Variants in CTNND2 observed in about 807,000 individuals in gnomAD.
CTNND2 encodes catenin delta-2.
A neutral mutation model predicts 144.4 loss-of-function variants in CTNND2; 22 were observed. The observed-to-expected ratio is 0.15, with a 90% confidence interval of 0.11 to 0.22. The LOEUF (loss-of-function observed/expected upper bound fraction) is 0.22. CTNND2 is among the 10% of genes least tolerant of loss of function. The probability of loss-of-function intolerance (pLI) is 1.00; values close to 1 mark genes in which losing one functional copy is unlikely to be tolerated. For synonymous variants in CTNND2, 751 were observed against 695.6 expected, an observed-to-expected ratio of 1.08 and a Z score of -1.25; for missense variants, 1,353 against 1,618.8, an observed-to-expected ratio of 0.84 and a Z score of 2.82.
intron 5 of CTNND2, among the ~76,000 whole-genome samples, chr5:11,408,009 G>A (rs1357252279): frequency 6.6e-6 from 1 of 152,012 alleles, no homozygotes; most frequent in African/African-American, 2.4e-5. Context: ...GAAGGAGATT[G>A]GGGGAGGGAG....
In CTNND2 at chr5:11,250,491, C is replaced by CTCTCTCTCTATATA. The variant is rs869141186; in HGVS notation, c.1629-13669_1629-13668insTATATAGAGAGAGA. Among the ~76,000 whole-genome samples the CTCTCTCTCTATATA allele has an allele frequency of 2.0e-3, 127 of 64,094 alleles. 2 individuals carry two copies. Among genetic ancestry groups the CTCTCTCTCTATATA allele is most frequent in the Middle Eastern group, 0.012 (1 of 86 alleles). 42.0% of individuals were successfully genotyped at this position (64,094 alleles called of 152,430 possible). A position where few individuals can be genotyped will look rare whatever the true frequency, so the allele number is the denominator to read the frequency against. ...TCTCTCTCTCTCTCTCTCTCTCTCT[C>CTCTCTCTCTATATA]TATATATATATATATATATATACAT... is the stretch of plus-strand genomic sequence containing the variant. On this transcript the variant is annotated intron_variant, in intron 9 of 21. Transcript: ENST00000304623.
chr5:11,526,261 G>C (rs1474384106), intron 3 of CTNND2, among the ~76,000 whole-genome samples: 1 of 152,098 alleles, frequency 6.6e-6, no homozygotes, highest in Non-Finnish European at 1.5e-5. Context: ...TTCATTTCTT[G>C]TTGAATATTA....
chr5:11,353,455 T>G (rs180886693), intron 8 of CTNND2, among the ~76,000 whole-genome samples: 2 of 152,224 alleles, frequency 1.3e-5, no homozygotes, highest in African/African-American at 4.8e-5. Context: ...TAAAATTTAA[T>G]GTGATATAGA....
chr5:11,699,632 G>C (rs1014995282), intron 2 of CTNND2, among the ~76,000 whole-genome samples: 1 of 152,082 alleles, frequency 6.6e-6, no homozygotes. Flanking sequence ...AATATTTAAA[G>C]GACAAGAACA....
chr5:11,284,164 G>A (rs1747479266), intron 9 of CTNND2, among the ~76,000 whole-genome samples: 1 of 152,216 alleles, frequency 6.6e-6, no homozygotes, highest in Non-Finnish European at 1.5e-5. Flanking sequence ...GCCACATGGA[G>A]AGCGTGAGGC....
At chr5:11,703,279 C>G (rs139469597) in intron 2 of CTNND2, among the ~76,000 whole-genome samples, 4 of 152,178 alleles carry the variant, frequency 2.6e-5, no homozygotes, top group Non-Finnish European at 5.9e-5. Flanking sequence ...ATCCAGTTTA[C>G]AGATATATGT....
At chr5:11,899,503 A>C (rs1737687757) in intron 1 of CTNND2, among the ~76,000 whole-genome samples, 1 of 152,224 alleles carries the variant, frequency 6.6e-6, no homozygotes, top group Non-Finnish European at 1.5e-5. Flanking sequence ...AGTTTAGCAT[A>C]TTTTATAAGC....
chr5:11,791,698 G>A (rs181704901), intron 1 of CTNND2, among the ~76,000 whole-genome samples: 12 of 152,260 alleles, frequency 7.9e-5, no homozygotes, highest in South Asian at 2.1e-4. Context: ...AGTGGTTCAC[G>A]AAAACGAATC....
At chr5:11,198,031 C>T (rs1737051991) in intron 11 of CTNND2, among the ~76,000 whole-genome samples, 1 of 152,148 alleles carries the variant, frequency 6.6e-6, no homozygotes, top group East Asian at 1.9e-4. Context: ...TGCACGGAAG[C>T]CTCCTGTCCC....
chr5:11,199,477 G>T lies in CTNND2; in HGVS notation c.1946C>A (p.Thr649Asn). The T allele has an allele frequency of 2.5e-6, 4 of 1,614,214 alleles. No individual in the cohort carries two copies. Among genetic ancestry groups the T allele is most frequent in the Non-Finnish European group, 3.4e-6 (4 of 1,180,024 alleles). ...GACCAGCTCCCGGATCTCCAGGTCA[G>T]TCGTCTTGCGGAGTAACCTCACCAG... Reference protein sequence around the residue: ...PALVRLLRKTTDLEIRELVTG... With the variant: ...PALVRLLRKTNDLEIRELVTG... Residue 649 changes from threonine (T) to asparagine (N), a missense_variant, in exon 11 of 22, where the codon ACT becomes AAT. By Grantham distance (65) the Thr-to-Asn change is moderately conservative. Coordinates refer to ENST00000304623, the MANE Select transcript of CTNND2 (RefSeq NM_001332.4).
intron 1 of CTNND2, among the ~76,000 whole-genome samples, chr5:11,843,994 T>A (rs1052663858): frequency 1.3e-5 from 2 of 152,158 alleles, no homozygotes; most frequent in Non-Finnish European, 2.9e-5. Context: ...AAGAAAACAA[T>A]TTAGATTCAA....
intron 12 of CTNND2, among the ~76,000 whole-genome samples, chr5:11,154,606 C>T (rs780062163): frequency 6.6e-6 from 1 of 152,200 alleles, no homozygotes; most frequent in Non-Finnish European, 1.5e-5. Context: ...GGCTTCCTAG[C>T]TTAGCAGCCC....
chr5:11,561,599 C>G (rs1776688124), intron 3 of CTNND2, among the ~76,000 whole-genome samples: 1 of 152,212 alleles, frequency 6.6e-6, no homozygotes, highest in Non-Finnish European at 1.5e-5. Flanking sequence ...AGCTGATCTG[C>G]TGCAACAATA....
At chr5:11,061,738 T>TGCCACCACTAG (rs1747005664) in intron 16 of CTNND2, among the ~76,000 whole-genome samples, 3 of 151,146 alleles carry the variant, frequency 2.0e-5, no homozygotes, top group Admixed American at 2.0e-4. Flanking sequence ...GACAAAGTTT[T>TGCCACCACTAG]GTTCTTGTCA....
intron 1 of CTNND2, among the ~76,000 whole-genome samples, chr5:11,862,156 C>T (rs1403535484): frequency 6.6e-6 from 1 of 152,156 alleles, no homozygotes; most frequent in Non-Finnish European, 1.5e-5. Context: ...CAAATTTCCA[C>T]ATTTATATTA....
chr5:11,427,620 T>C (rs1392917941), intron 3 of CTNND2, among the ~76,000 whole-genome samples: 1 of 152,112 alleles, frequency 6.6e-6, no homozygotes, highest in African/African-American at 2.4e-5. Context: ...ATCTGCATTT[T>C]GCATTGGGCA....
At chr5:11,612,721 G>A (rs960658306) in intron 2 of CTNND2, among the ~76,000 whole-genome samples, 5 of 152,006 alleles carry the variant, frequency 3.3e-5, no homozygotes, top group Non-Finnish European at 5.9e-5. Flanking sequence ...GCAACATACT[G>A]AGATCCCCAC....
At chr5:11,849,212 T>C (rs6879642) in intron 1 of CTNND2, among the ~76,000 whole-genome samples, 150,431 of 152,180 alleles carry the variant, frequency 0.99, 74,376 homozygotes, top group Middle Eastern at 1. Context: ...AAGGGGTTTC[T>C]CCTTATAAAA....
intron 2 of CTNND2, among the ~76,000 whole-genome samples, chr5:11,591,206 G>T (rs905758599): frequency 1.3e-5 from 2 of 152,148 alleles, no homozygotes; most frequent in African/African-American, 4.8e-5. Flanking sequence ...CTCTGTGAAG[G>T]TGTCCCTGGT....
Sources: allele counts gnomAD v4.1 joint callset (sites outside exome capture counted in the v4.1 genomes callset), GRCh38; gene constraint gnomAD v4.1.1; transcripts MANE v1.5; gene names NCBI Gene and HGNC (gene_info 2026-07-23, HGNC 2026-07-21).